Variants in ALPI observed in about 807,000 individuals in gnomAD.
ALPI encodes intestinal-type alkaline phosphatase.
ALPI carries 50 observed loss-of-function variants against 51.5 expected under a neutral mutation model. The ratio of observed to expected loss-of-function variants is 0.97; its 90% confidence interval spans 0.77 to 1.23. ALPI has a LOEUF of 1.23. Among genes scored for constraint, ALPI ranks in the 50% most tolerant of loss-of-function variants. The pLI, the probability that ALPI is intolerant of heterozygous loss-of-function variation, is 0.00. For missense variants in ALPI, 692 were observed against 722.4 expected, an observed-to-expected ratio of 0.96 and a Z score of 0.48; for synonymous variants, 322 against 308.2, an observed-to-expected ratio of 1.04 and a Z score of -0.47.
Position 232,458,246 on chromosome 2 carries a change from G to C in ALPI, c.1021G>C (p.Gly341Arg). The C allele has an allele frequency of 6.2e-7, 1 of 1,614,176 alleles. No individual in the cohort carries two copies. The highest frequency in any genetic ancestry group is 8.5e-7 in the Non-Finnish European group (1 of 1,180,026). The part of the protein sequence containing the change: ...GGRIDHGHHE[G>R]VAYQALTEAV... Reference sequence around the variant, plus strand: ...CCGCATCGACCATGGTCATCATGAGGGTGTGGCTTACCAGGCACTCACTGA... The same window carrying C: ...CCGCATCGACCATGGTCATCATGAGCGTGTGGCTTACCAGGCACTCACTGA... Residue 341 changes from glycine to arginine, a missense_variant, in exon 9 of 11, where the codon GGT becomes CGT. Coordinates refer to ENST00000295463, the MANE Select transcript of ALPI (RefSeq NM_001631.5).
chr2:232,458,989 T>C lies in ALPI; in HGVS notation c.1430T>C (p.Val477Ala), dbSNP rs747092209. ...CATGGTGTGCAGGAGCAGAGCTTCG[T>C]AGCGCATGTCATGGCCTTCGCTGCC... ...LVHGVQEQSF[V>A]AHVMAFAACL... The change falls in exon 11 of 11, where the codon GTA (valine) becomes GCA (alanine). Residue 477 changes from valine to alanine, a missense_variant. Coordinates refer to ENST00000295463, the MANE Select transcript of ALPI (RefSeq NM_001631.5). 3.2e-6 allele frequency: 5 copies of C among 1,582,204 alleles called. No homozygotes were observed. In the South Asian group the frequency reaches 4.6e-5, roughly 15 times the overall value.
At chr2:232,458,777 G>A (rs1690250107) in intron 10 of ALPI, 29 bp downstream of exon 10, 9 of 1,613,014 alleles carry the variant, frequency 5.6e-6, no homozygotes, top group Non-Finnish European at 7.6e-6. Context: ...CCCGTGCAGG[G>A]GGACCAGGGT....
In ALPI at chr2:232,459,193, C is replaced by A; in HGVS notation, c.*47C>A. ...CTGCTCCCCACCTCCGGGCGTCCTG[C>A]CCTGTTCCCCGTCCTGAGCCGCCAC... On this transcript the variant is annotated 3_prime_UTR_variant, in exon 11 of 11. Transcript: ENST00000295463. The A allele has an allele frequency of 6.7e-7, 1 of 1,499,934 alleles. No homozygotes were observed. The highest frequency in any genetic ancestry group is 1.3e-5 in the South Asian group (1 of 76,594). 92.9% of individuals were successfully genotyped at this position (1,499,934 alleles called of 1,614,324 possible).
rs775761255 is a variant in ALPI, at chr2:232,457,318, T to C, written c.644T>C (p.Ile215Thr). 46 of 1,604,754 alleles carry C rather than the reference T, an allele frequency of 2.9e-5. No homozygotes were observed. Among genetic ancestry groups the C allele is most frequent in the Non-Finnish European group, 3.7e-5 (43 of 1,175,396 alleles). The change falls in exon 5 of 11, where the codon ATT becomes ACT. Residue 215 changes from isoleucine to threonine, a missense_variant. Transcript: ENST00000295463. The surrounding 1 kb of genome is among the most constrained non-coding windows in gnomAD (Gnocchi z 4.7). ...IATQLISNMD[I>T]DVILGGGRKY... Reference sequence around the variant, plus strand: ...ACTCAGCTCATCTCCAACATGGACATTGACGTGCGACCCCCGGGCCAAGGG... The same window carrying C: ...ACTCAGCTCATCTCCAACATGGACACTGACGTGCGACCCCCGGGCCAAGGG...
At position 232,457,800 on chromosome 2, in the gene ALPI, C is replaced by T; in HGVS notation, c.789C>T (p.Ala263=). 2 of 1,614,036 alleles carry T rather than the reference C, an allele frequency of 1.2e-6. No individual in the cohort carries two copies. The highest frequency in any genetic ancestry group is 1.7e-6 in the Non-Finnish European group (2 of 1,179,964). The part of the protein sequence containing the change: ...VQEWLAKHQG[A]WYVWNRTELM... ...GCCTGGCTCTGTCCCTGCAGGGTGC[C>T]TGGTATGTGTGGAACCGCACTGAGC... Residue 263 remains alanine (A), a synonymous_variant, in exon 7 of 11, where the codon GCC becomes GCT. Transcript: ENST00000295463. The surrounding 1 kb of genome is among the most constrained non-coding windows in gnomAD (Gnocchi z 4.7).
Position 232,457,918 on chromosome 2 carries a change from C to T in ALPI, c.856+51C>T, listed in dbSNP as rs766320223. ...ATTCCTCAGACAACCTCAGAGGGTG[C>T]CATCCGAGCCTGTGTGCCCATTTGC... On this transcript the variant is annotated intron_variant, in intron 7 of 10. Transcript: ENST00000295463. This position sits in a 1 kb window ranked among gnomAD's most constrained non-coding sequence, Gnocchi z 4.7. 2 of 1,611,960 alleles carry T rather than the reference C, an allele frequency of 1.2e-6. No individual in the cohort carries two copies. Among genetic ancestry groups the T allele is most frequent in the East Asian group, 4.5e-5 (2 of 44,866 alleles).
Position 232,458,618 on chromosome 2 carries a change from G to T in ALPI, c.1184-14G>T, listed in dbSNP as rs765442315. 1.2e-5 allele frequency: 20 copies of T among 1,610,816 alleles called. No homozygotes were observed. In the East Asian group the frequency reaches 2.7e-4, roughly 22 times the overall value. ...GTGGTCAGCTCAACTACAGGGACCC[G>T]CATCTCCCTACAGGGTTGGCCCCCA... On this transcript the variant is annotated splice_polypyrimidine_tract_variant and intron_variant, in intron 9 of 10. Transcript: ENST00000295463.
In ALPI at chr2:232,458,112, G is replaced by C; in HGVS notation, c.971G>C (p.Gly324Ala). 6.2e-7 allele frequency: 1 copy of C among 1,614,108 alleles called. No individual in the cohort carries two copies. The highest frequency in any genetic ancestry group is 8.5e-7 in the Non-Finnish European group (1 of 1,180,022). Reference sequence around the variant, plus strand: ...CGCCTGCTGAGCAGGAACCCCCGCGGCTTCTACCTCTTTGTGGAGGGTGCG... The same window carrying C: ...CGCCTGCTGAGCAGGAACCCCCGCGCCTTCTACCTCTTTGTGGAGGGTGCG... ...ALRLLSRNPR[G>A]FYLFVEGGRI... Residue 324 changes from glycine to alanine, a missense_variant, in exon 8 of 11, where the codon GGC becomes GCC. Coordinates refer to ENST00000295463, the MANE Select transcript of ALPI (RefSeq NM_001631.5).
chr2:232,460,437 G>A lies in ALPI; in HGVS notation c.*1291G>A, dbSNP rs1311606393. Among the ~76,000 whole-genome samples the A allele has an allele frequency of 6.6e-6, 1 of 152,118 alleles. No individual in the cohort carries two copies. Among genetic ancestry groups the A allele is most frequent in the African/African-American group, 2.4e-5 (1 of 41,412 alleles). On this transcript the variant is annotated 3_prime_UTR_variant, in exon 11 of 11. Coordinates refer to ENST00000295463, the MANE Select transcript of ALPI (RefSeq NM_001631.5). ...GTCTGGTCTTTTGGGCAGAGGGTGG[G>A]GGTGGTGGCAGGCTCAGGTGAAAGC...
At position 232,456,643 on chromosome 2, in the gene ALPI, G is replaced by T; in HGVS notation, c.248G>T (p.Gly83Val). 6.2e-7 allele frequency: 1 copy of T among 1,612,544 alleles called. No homozygotes were observed. The highest frequency in any genetic ancestry group is 8.5e-7 in the Non-Finnish European group (1 of 1,179,464). ...AAGGGGCAGAAGAATGGCAAACTGGGGCCTGAGACGCCCCTGGCCATGGAC... is the reference window on the plus strand; with the variant it reads ...AAGGGGCAGAAGAATGGCAAACTGGTGCCTGAGACGCCCCTGGCCATGGAC... ...ILKGQKNGKL[G>V]PETPLAMDRF... The change falls in exon 3 of 11, where the codon GGG (glycine) becomes GTG (valine). Residue 83 changes from glycine (G) to valine (V), a missense_variant. Physicochemically the swap from Gly to Val is moderately radical, Grantham distance 109 (BLOSUM62 -3). Coordinates refer to ENST00000295463, the MANE Select transcript of ALPI (RefSeq NM_001631.5). The surrounding 1 kb of genome is among the most constrained non-coding windows in gnomAD (Gnocchi z 4.2).
In ALPI at chr2:232,460,675, G is replaced by T. The variant is rs1690293038; in HGVS notation, c.*1529G>T. Among the ~76,000 whole-genome samples the T allele has an allele frequency of 6.6e-6, 1 of 152,180 alleles. No homozygotes were observed. The highest frequency in any genetic ancestry group is 2.4e-5 in the African/African-American group (1 of 41,432). The stretch of plus-strand genomic sequence containing the variant: ...AGGTGCAAAAAAGCATCTTGCTTTT[G>T]CAAGAAATAGTAACATCATTCAATA... On this transcript the variant is annotated 3_prime_UTR_variant, in exon 11 of 11. Coordinates refer to ENST00000295463, the MANE Select transcript of ALPI (RefSeq NM_001631.5).
Position 232,458,139 on chromosome 2 carries a change from G to A in ALPI, c.991+7G>A, listed in dbSNP as rs1313379763. ...TTCTACCTCTTTGTGGAGGGTGCGT[G>A]GTGGCCCCTGGGGAGTGGAGGAAGG... On this transcript the variant is annotated splice_region_variant and intron_variant, in intron 8 of 10. Transcript: ENST00000295463. 2.5e-6 allele frequency: 4 copies of A among 1,613,918 alleles called. No individual in the cohort carries two copies. In the African/African-American group the frequency reaches 4.0e-5, roughly 16 times the overall value.
rs749877970 is a variant in ALPI, at chr2:232,459,061, C to T, written c.1502C>T (p.Thr501Ile). The T allele has an allele frequency of 6.5e-6, 10 of 1,548,052 alleles. No homozygotes were observed. Among genetic ancestry groups the T allele is most frequent in the South Asian group, 1.2e-5 (1 of 84,154 alleles). Residue 501 changes from threonine (T) to isoleucine (I), a missense_variant, in exon 11 of 11, where the codon ACC (threonine) becomes ATC (isoleucine). Physicochemically the swap from Thr to Ile is moderately conservative, Grantham distance 89. Transcript: ENST00000295463. ...TGCGACCTGGCGCCTCCCGCCTGCACCACCGACGCCGCGCACCCAGTTGCC... is the reference window on the plus strand; with the variant it reads ...TGCGACCTGGCGCCTCCCGCCTGCATCACCGACGCCGCGCACCCAGTTGCC... ...TACDLAPPAC[T>I]TDAAHPVAAS...
In ALPI at chr2:232,459,083, T is replaced by G; in HGVS notation, c.1524T>G (p.Val508=). ...PACTTDAAHP[V]AASLPLLAGT... is the part of the protein sequence containing the mutation. ...GCACCACCGACGCCGCGCACCCAGTTGCCGCGTCGCTGCCACTGCTGGCCG... is the reference window on the plus strand; with the variant it reads ...GCACCACCGACGCCGCGCACCCAGTGGCCGCGTCGCTGCCACTGCTGGCCG... The change falls in exon 11 of 11, where the codon GTT becomes GTG. Residue 508 remains valine (V), a synonymous_variant. Coordinates refer to ENST00000295463, the MANE Select transcript of ALPI (RefSeq NM_001631.5). The G allele has an allele frequency of 6.5e-7, 1 of 1,543,050 alleles. No individual in the cohort carries two copies. The highest frequency in any genetic ancestry group is 8.7e-7 in the Non-Finnish European group (1 of 1,146,616).
rs959715475 is a variant in ALPI at position 232,457,953 on chromosome 2, C to T, written c.857-45C>T. 1 of 1,612,530 alleles carries T rather than the reference C, an allele frequency of 6.2e-7. No homozygotes were observed. The highest frequency in any genetic ancestry group is 1.1e-5 in the South Asian group (1 of 90,900). On this transcript the variant is annotated intron_variant, in intron 7 of 10. Coordinates refer to ENST00000295463, the MANE Select transcript of ALPI (RefSeq NM_001631.5). The surrounding 1 kb of genome is among the most constrained non-coding windows in gnomAD (Gnocchi z 4.7). ...CTGTGTGCCCATTTGCCAGCACCCT[C>T]CCGCTCACAGCCTGCCAATCACCAC...
rs772832583 is a variant in ALPI, at chr2:232,456,358, A to C, written c.77A>C (p.Glu26Ala). The C allele has an allele frequency of 6.2e-7, 1 of 1,613,948 alleles. No individual in the cohort carries two copies. The highest frequency in any genetic ancestry group is 2.2e-5 in the East Asian group (1 of 44,842). ...CTCTCCCCCTGGCCAGCTGAGGAGG[A>C]GAACCCGGCCTTCTGGAACCGCCAG... ...LSLGVIPAEE[E>A]NPAFWNRQAA... The change falls in exon 2 of 11, where the codon GAG (glutamate) becomes GCG (alanine). Residue 26 changes from glutamate (E) to alanine (A), a missense_variant. Coordinates refer to ENST00000295463, the MANE Select transcript of ALPI (RefSeq NM_001631.5). The surrounding 1 kb of genome is among the most constrained non-coding windows in gnomAD (Gnocchi z 4.2).
intron 9 of ALPI, 53 bp downstream of exon 9, chr2:232,458,461 T>C: frequency 6.4e-7 from 1 of 1,573,438 alleles, no homozygotes; most frequent in South Asian, 1.1e-5. Flanking sequence ...AGGGTGAAGT[T>C]TGAGCTTCAG....
In ALPI at chr2:232,459,077, C is replaced by T. The variant is rs1690263187; in HGVS notation, c.1518C>T (p.His506=). 2.6e-6 allele frequency: 4 copies of T among 1,544,758 alleles called. No homozygotes were observed. The highest frequency in any genetic ancestry group is 3.5e-6 in the Non-Finnish European group (4 of 1,146,986). ...CCGCCTGCACCACCGACGCCGCGCACCCAGTTGCCGCGTCGCTGCCACTGC... is the reference window on the plus strand; with the variant it reads ...CCGCCTGCACCACCGACGCCGCGCATCCAGTTGCCGCGTCGCTGCCACTGC... ...APPACTTDAA[H]PVAASLPLLA... is the part of the protein sequence containing the mutation. The change falls in exon 11 of 11, where the codon CAC becomes CAT. Residue 506 remains histidine (H), a synonymous_variant. Coordinates refer to ENST00000295463, the MANE Select transcript of ALPI (RefSeq NM_001631.5).
chr2:232,457,326 C>A lies in ALPI; in HGVS notation c.648+4C>A. 6.3e-7 allele frequency: 1 copy of A among 1,598,454 alleles called. No individual in the cohort carries two copies. Among genetic ancestry groups the A allele is most frequent in the South Asian group, 1.1e-5 (1 of 87,624 alleles). Reference sequence around the variant, plus strand: ...CATCTCCAACATGGACATTGACGTGCGACCCCCGGGCCAAGGGCTGGGGCT... The same window carrying A: ...CATCTCCAACATGGACATTGACGTGAGACCCCCGGGCCAAGGGCTGGGGCT... On this transcript the variant is annotated splice_donor_region_variant and intron_variant, in intron 5 of 10. Transcript: ENST00000295463. The surrounding 1 kb of genome is among the most constrained non-coding windows in gnomAD (Gnocchi z 4.7).
Sources: gnomAD v4.1 joint callset for allele counts (sites outside exome capture counted in the v4.1 genomes callset) on GRCh38, gnomAD v4.1.1 for gene constraint, Gnocchi (gnomAD v3.1) non-coding constraint, MANE v1.5 for transcripts, NCBI Gene and HGNC (gene_info 2026-07-23, HGNC 2026-07-21) for gene names.